Variants in SCHIP1 observed in about 807,000 individuals in gnomAD.
The protein encoded by SCHIP1 is schwannomin-interacting protein 1.
SCHIP1 carries 8 observed loss-of-function variants against 29.7 expected under a neutral mutation model. The observed-to-expected ratio is 0.27, with a 90% CI of 0.16 to 0.49. The LOEUF (loss-of-function observed/expected upper bound fraction) is 0.49. Among genes scored for constraint, SCHIP1 ranks in the 20% least tolerant of loss-of-function variants. The pLI, the probability that SCHIP1 is intolerant of heterozygous loss-of-function variation, is 0.99. For missense variants in SCHIP1, 193 were observed against 294.6 expected (o/e 0.66, Z 2.52); for synonymous variants, 76 against 94.9 (o/e 0.80, Z 1.16).
At chr3:159,450,356 G>T in the SCHIP1 span, among the ~76,000 whole-genome samples, 3 of 152,144 alleles carry the variant, frequency 2.0e-5, no homozygotes, top group Admixed American at 2.0e-4. Context: ...ACTCCAGAAT[G>T]CCTTTGGAAT....
the SCHIP1 span, among the ~76,000 whole-genome samples, chr3:159,428,113 A>G: frequency 6.6e-6 from 1 of 151,708 alleles, no homozygotes; most frequent in Non-Finnish European, 1.5e-5. Flanking sequence ...CCTAGGCAAT[A>G]CCATTCAGGA....
chr3:159,695,375 T>C, the SCHIP1 span, among the ~76,000 whole-genome samples: 2 of 152,178 alleles, frequency 1.3e-5, no homozygotes, highest in Non-Finnish European at 2.9e-5. Context: ...TCCTATGTCT[T>C]CCCTACTCTC....
At chr3:159,750,284 TATATATATATATACACAC>T in the SCHIP1 span, among the ~76,000 whole-genome samples, 1 of 60,986 alleles carries the variant, frequency 1.6e-5, no homozygotes, top group African/African-American at 4.6e-5. Context: ...TATATATATA[TATATATATATATACACAC>T]ACACACACAC....
the SCHIP1 span, among the ~76,000 whole-genome samples, chr3:159,672,898 CTAG>C: frequency 6.6e-6 from 1 of 152,168 alleles, no homozygotes; most frequent in Non-Finnish European, 1.5e-5. Flanking sequence ...GATGGTTACA[CTAG>C]TAGTAATAGA....
chr3:159,791,971 A>AT, the SCHIP1 span, among the ~76,000 whole-genome samples: 15 of 152,104 alleles, frequency 9.9e-5, no homozygotes, highest in Non-Finnish European at 2.2e-4. Flanking sequence ...AACTTTTGAC[A>AT]TTTTTTAAAA....
chr3:159,688,233 C>G, the SCHIP1 span, among the ~76,000 whole-genome samples: 1 of 152,178 alleles, frequency 6.6e-6, no homozygotes, highest in Non-Finnish European at 1.5e-5. Flanking sequence ...TAAAAGTGTT[C>G]CTATTTCTCC....
At chr3:159,414,455 C>A in the SCHIP1 span, among the ~76,000 whole-genome samples, 3 of 152,184 alleles carry the variant, frequency 2.0e-5, no homozygotes, top group African/African-American at 7.2e-5. Context: ...ACACTCTTTC[C>A]AGGTGCTCTC....
chr3:159,285,862 TAGAGGCATTTC>T, the SCHIP1 span, among the ~76,000 whole-genome samples: 1 of 152,134 alleles, frequency 6.6e-6, no homozygotes, highest in African/African-American at 2.4e-5. Context: ...GAAACCAGGA[TAGAGGCATTTC>T]CTATTCTCTT....
chr3:159,880,439 G>A (rs929102998), intron 2 of SCHIP1, among the ~76,000 whole-genome samples: 1 of 152,160 alleles, frequency 6.6e-6, no homozygotes, highest in Non-Finnish European at 1.5e-5. Context: ...CCAATGCTCT[G>A]TGTATTCCAC....
chr3:159,752,384 T>C, the SCHIP1 span, among the ~76,000 whole-genome samples: 1 of 152,210 alleles, frequency 6.6e-6, no homozygotes, highest in South Asian at 2.1e-4. Flanking sequence ...AATGTGATCA[T>C]GTTGTATGTA....
the SCHIP1 span, among the ~76,000 whole-genome samples, chr3:159,377,365 A>G: frequency 6.6e-6 from 1 of 152,208 alleles, no homozygotes; most frequent in Admixed American, 6.5e-5. Context: ...TCATGGATGT[A>G]CTTTGGGTTC....
the SCHIP1 span, among the ~76,000 whole-genome samples, chr3:159,593,015 CT>C: frequency 6.6e-6 from 1 of 152,100 alleles, no homozygotes; most frequent in South Asian, 2.1e-4. Flanking sequence ...AATTCTATCA[CT>C]TTTTAATTGT....
chr3:159,590,158 C>A, the SCHIP1 span, among the ~76,000 whole-genome samples: 1 of 152,062 alleles, frequency 6.6e-6, no homozygotes, highest in Non-Finnish European at 1.5e-5. Context: ...CATGACCAGA[C>A]TGCAGGTCAG....
chr3:159,722,876 A>G, the SCHIP1 span, among the ~76,000 whole-genome samples: 55 of 152,224 alleles, frequency 3.6e-4, no homozygotes, highest in Non-Finnish European at 7.1e-4. Flanking sequence ...ACATGTCTTC[A>G]TATAGAAATC....
the SCHIP1 span, among the ~76,000 whole-genome samples, chr3:159,507,054 G>C: frequency 6.6e-6 from 1 of 152,094 alleles, no homozygotes; most frequent in Admixed American, 6.6e-5. Flanking sequence ...AAATTACCTT[G>C]GGCAGTGTGG....
chr3:159,403,664 A>G, the SCHIP1 span, among the ~76,000 whole-genome samples: 1 of 152,218 alleles, frequency 6.6e-6, no homozygotes, highest in Non-Finnish European at 1.5e-5. Flanking sequence ...AAACCTCACC[A>G]TCATGAGCTA....
the SCHIP1 span, among the ~76,000 whole-genome samples, chr3:159,475,060 T>C: frequency 1.3e-5 from 2 of 152,122 alleles, no homozygotes; most frequent in African/African-American, 2.4e-5. Context: ...TAAACATAGA[T>C]TTATCACATC....
chr3:159,273,454 A>T, the SCHIP1 span: 1 of 1,050,066 alleles, frequency 9.5e-7, no homozygotes, highest in Non-Finnish European at 1.1e-6. Context: ...GACTAATGGG[A>T]TCTTCTTTTC....
chr3:159,637,917 G>A, the SCHIP1 span, among the ~76,000 whole-genome samples: 1 of 152,128 alleles, frequency 6.6e-6, no homozygotes, highest in Non-Finnish European at 1.5e-5. Flanking sequence ...AGACTGAAAT[G>A]TGCTATATTT....
Sources: gnomAD v4.1 joint callset for allele counts (sites outside exome capture counted in the v4.1 genomes callset) on GRCh38, gnomAD v4.1.1 for gene constraint, MANE v1.5 for transcripts, NCBI Gene and HGNC (gene_info 2026-07-23, HGNC 2026-07-21) for gene names.